The following VIPR2 variants were observed in gnomAD, a reference collection of about 807,000 sequenced individuals.
The protein encoded by VIPR2 is vasoactive intestinal peptide receptor 2, also known as vasoactive intestinal polypeptide receptor 2.
VIPR2 carries 48 observed loss-of-function variants against 58.0 expected under a neutral mutation model. The ratio of observed to expected loss-of-function variants is 0.83; its 90% CI spans 0.66 to 1.05. The LOEUF (loss-of-function observed/expected upper bound fraction) is 1.05, where lower values mean the gene tolerates loss of function less well. Ranked by LOEUF, VIPR2 falls within the 50% of genes least tolerant of loss-of-function variation. VIPR2 has a pLI of 0.00. For synonymous variants in VIPR2, 243 were observed against 235.2 expected (o/e 1.03, Z -0.30); for missense variants, 534 against 558.0 (o/e 0.96, Z 0.43).
At chr7:159,103,411 T>A (rs1370801410) in intron 4 of VIPR2, among the ~76,000 whole-genome samples, 1 of 152,052 alleles carries the variant, frequency 6.6e-6, no homozygotes, top group Non-Finnish European at 1.5e-5. Flanking sequence ...GGACAAGAAA[T>A]CCAAATGCAG....
At chr7:159,058,435 T>C (rs1309717313) in intron 5 of VIPR2, 46 bp downstream of exon 5, 5 of 1,568,940 alleles carry the variant, frequency 3.2e-6, no homozygotes, top group Non-Finnish European at 4.4e-6. Context: ...ATGGAAACTT[T>C]GCTTGTCTTG....
chr7:159,101,713 T>A (rs1315652476), intron 4 of VIPR2, among the ~76,000 whole-genome samples: 1 of 143,430 alleles, frequency 7.0e-6, no homozygotes, highest in Non-Finnish European at 1.5e-5. Context: ...CGGTTCCGAC[T>A]GTTCCTGTGG....
At chr7:159,144,282 C>A in intron 1 of VIPR2, 2 of 1,363,228 alleles carry the variant, frequency 1.5e-6, no homozygotes, top group Non-Finnish European at 1.9e-6. Flanking sequence ...CACGTCCCCC[C>A]GACACTAAAA....
intron 6 of VIPR2, among the ~76,000 whole-genome samples, chr7:159,041,401 T>C (rs1854321946): frequency 6.6e-6 from 1 of 152,158 alleles, no homozygotes; most frequent in Admixed American, 6.5e-5. Flanking sequence ...TCCGCTGGGG[T>C]CCACTGAGGG....
At position 159,031,516 on chromosome 7, in the gene VIPR2, G is replaced by T. The variant is rs763744469; in HGVS notation, c.1143+312C>A. 2.0e-6 allele frequency: 2 copies of T among 985,268 alleles called. No individual in the cohort carries two copies. Among genetic ancestry groups the T allele is most frequent in the Non-Finnish European group, 2.4e-6 (2 of 829,902 alleles). The allele number at this position is 985,268 out of a possible 1,614,324, so 61.0% of individuals were successfully genotyped here. A position where few individuals can be genotyped will look rare whatever the true frequency, so the allele number is the denominator to read the frequency against. ...CACAAGCTATGGTCAGGAGCGAGAC[G>T]CCGACCATGGGGAAAAACAGATTCT... On this transcript the variant is annotated intron_variant, in intron 12 of 12. Transcript: ENST00000262178. This position sits in a 1 kb window ranked among gnomAD's most constrained non-coding sequence, Gnocchi z 4.0.
rs1795921418 is a variant in VIPR2 at position 159,109,836 on chromosome 7, A to C, written c.235T>G (p.Phe79Val). 6.2e-7 allele frequency: 1 copy of C among 1,614,070 alleles called. No individual in the cohort carries two copies. Among genetic ancestry groups the C allele is most frequent in the Non-Finnish European group, 8.5e-7 (1 of 1,180,056 alleles). ...ETVTVPCPKV[F>V]SNFYSKAGNI... ...CCTGCTTTGCTGTAAAAATTGCTGA[A>C]GACTTTTGGGCAGGGCACCGTGACG... Residue 79 changes from phenylalanine (F) to valine (V), a missense_variant, in exon 3 of 13, where the codon TTC (phenylalanine) becomes GTC (valine). Transcript: ENST00000262178.
chr7:159,069,588 G>T (rs1377490638), intron 4 of VIPR2, among the ~76,000 whole-genome samples: 5 of 151,472 alleles, frequency 3.3e-5, no homozygotes, highest in Non-Finnish European at 5.9e-5. Flanking sequence ...CCTGTGACTG[G>T]CCTTGGTCAA....
chr7:159,058,336 C>A, intron 5 of VIPR2, 145 bp downstream of exon 5: 1 of 670,462 alleles, frequency 1.5e-6, no homozygotes, highest in Admixed American at 2.6e-5. Context: ...TAAATGTTAA[C>A]ATCATATTTA....
At chr7:159,125,473 C>T (rs1796619008) in intron 2 of VIPR2, among the ~76,000 whole-genome samples, 1 of 152,232 alleles carries the variant, frequency 6.6e-6, no homozygotes, top group Non-Finnish European at 1.5e-5. Flanking sequence ...GGCCACAGAG[C>T]TGGTCCAGGG....
At chr7:159,107,138 C>T (rs1054665899) in intron 3 of VIPR2, among the ~76,000 whole-genome samples, 8 of 152,180 alleles carry the variant, frequency 5.3e-5, no homozygotes, top group Non-Finnish European at 1.2e-4. Context: ...CATCATCCTC[C>T]ACTGGGGGAT....
intron 4 of VIPR2, among the ~76,000 whole-genome samples, chr7:159,081,359 C>A (rs1291997287): frequency 2.0e-5 from 3 of 152,300 alleles, no homozygotes; most frequent in East Asian, 3.9e-4. Flanking sequence ...CAAAAACAAG[C>A]AATTGGGAAA....
At position 159,096,180 on chromosome 7, in the gene VIPR2, C is replaced by T. The variant is rs1243746793; in HGVS notation, c.357+7577G>A. Among the ~76,000 whole-genome samples, 2 of 152,184 alleles carry T rather than the reference C, an allele frequency of 1.3e-5. No homozygotes were observed. The highest frequency in any genetic ancestry group is 2.4e-5 in the African/African-American group (1 of 41,464). Reference sequence around the variant, plus strand: ...AGAGCACAATGCCGGAGGTCCCACCCAAGGCTGCCCAAGCCCAAAGACAGG... The same window carrying T: ...AGAGCACAATGCCGGAGGTCCCACCTAAGGCTGCCCAAGCCCAAAGACAGG... On this transcript the variant is annotated intron_variant, in intron 4 of 12. Transcript: ENST00000262178. This position sits in a 1 kb window ranked among gnomAD's most constrained non-coding sequence, Gnocchi z 5.5.
intron 5 of VIPR2, among the ~76,000 whole-genome samples, chr7:159,044,056 G>T (rs1854503138): frequency 6.6e-6 from 1 of 152,248 alleles, no homozygotes; most frequent in Non-Finnish European, 1.5e-5. Context: ...CTTAGCACAA[G>T]CAGGCAGCGA....
rs745521428 is a variant in VIPR2, at chr7:159,097,407, C to A, written c.357+6350G>T. Among the ~76,000 whole-genome samples, 1 of 152,206 alleles carries A rather than the reference C, an allele frequency of 6.6e-6. No individual in the cohort carries two copies. Among genetic ancestry groups the A allele is most frequent in the Non-Finnish European group, 1.5e-5 (1 of 68,032 alleles). On this transcript the variant is annotated intron_variant, in intron 4 of 12. Transcript: ENST00000262178. The surrounding 1 kb of genome is among the most constrained non-coding windows in gnomAD (Gnocchi z 5.3). ...GTTAACCAGTATGTAACACAGAAGA[C>A]TTACGGGAGCCGGCCCCCTCGCGTG...
intron 5 of VIPR2, among the ~76,000 whole-genome samples, chr7:159,056,264 C>T (rs2129493924): frequency 6.6e-6 from 1 of 151,898 alleles, no homozygotes; most frequent in East Asian, 1.9e-4. Flanking sequence ...TGCCAAAGTC[C>T]ATGAATGTGC....
intron 8 of VIPR2, chr7:159,035,596 A>G: frequency 1.2e-6 from 1 of 812,608 alleles, no homozygotes; most frequent in Non-Finnish European, 1.5e-6. Context: ...TGCAGCCACC[A>G]TCACCTGACC....
At chr7:159,121,479 C>T (rs7810170) in intron 2 of VIPR2, among the ~76,000 whole-genome samples, 13,272 of 152,160 alleles carry the variant, frequency 0.087, 625 homozygotes, top group Middle Eastern at 0.14. Context: ...CCCAGGAGTT[C>T]ATTTTGACAC....
chr7:159,137,634 G>C (rs1449132198), intron 2 of VIPR2, among the ~76,000 whole-genome samples: 1 of 152,216 alleles, frequency 6.6e-6, no homozygotes, highest in Admixed American at 6.5e-5. Flanking sequence ...ATCTCCCAAA[G>C]TGCTGGGGTT....
intron 7 of VIPR2, 107 bp downstream of exon 7, chr7:159,036,645 A>G (rs1027342319): frequency 4.5e-5 from 62 of 1,366,360 alleles, no homozygotes; most frequent in African/African-American, 1.0e-4. Context: ...TGACCCTGAC[A>G]TGCATTCTAC....
Sources: allele counts gnomAD v4.1 joint callset (sites outside exome capture counted in the v4.1 genomes callset), GRCh38; gene constraint gnomAD v4.1.1; non-coding constraint Gnocchi (gnomAD v3.1); transcripts MANE v1.5; gene names NCBI Gene and HGNC (gene_info 2026-07-23, HGNC 2026-07-21).